CLOCK: variants seen among roughly 807,000 people sequenced by gnomAD.
CLOCK encodes the protein clock circadian regulator.
In CLOCK, 43 loss-of-function variants were observed where a neutral mutation model predicts 118.4. The observed-to-expected ratio is 0.36, with a 90% CI of 0.28 to 0.47. The LOEUF (loss-of-function observed/expected upper bound fraction) is 0.47, where lower values mean the gene tolerates loss of function less well. CLOCK is among the 20% of genes least tolerant of loss of function. CLOCK has a pLI of 1.00. For synonymous variants in CLOCK, 326 were observed against 339.2 expected (o/e 0.96, Z 0.43); for missense variants, 846 against 999.9 (o/e 0.85, Z 2.08).
chr4:55,489,600 A>G (rs370649092), intron 2 of CLOCK, 135 bp from the exon 3 acceptor site: 28 of 152,174 alleles, frequency 1.8e-4, no homozygotes, highest in Admixed American at 8.5e-4. Flanking sequence ...TAAATTCTAT[A>G]AATTGTTTCT....
intron 6 of CLOCK, among the ~76,000 whole-genome samples, chr4:55,477,147 T>C (rs995490612): frequency 1.3e-5 from 2 of 152,106 alleles, no homozygotes; most frequent in East Asian, 1.9e-4. Context: ...TTTAGGATGA[T>C]ACATATATAA....
intron 4 of CLOCK, 28 bp from the exon 5 acceptor site, chr4:55,479,727 G>A (rs1366842175): frequency 1.9e-6 from 3 of 1,578,362 alleles, no homozygotes; most frequent in African/African-American, 1.3e-5. Context: ...GAGAAAGTAA[G>A]AGCAGACTCA....
At position 55,430,879 on chromosome 4, in the gene CLOCK, T is replaced by G. The variant is rs1056390357; in HGVS notation, c.*4536A>C. The G allele has an allele frequency of 6.6e-6, 1 of 152,186 alleles. No individual in the cohort carries two copies. The highest frequency in any genetic ancestry group is 1.5e-5 in the Non-Finnish European group (1 of 68,024). The allele number at this position is 152,186 out of a possible 1,614,324, so 9.4% of individuals were successfully genotyped here. A position where few individuals can be genotyped will look rare whatever the true frequency, so the allele number is the denominator to read the frequency against. ...GTTTACAATAGTGTTTAAATCAAAC[T>G]AGGCATCTACAATCTCTTGACTCCA... On this transcript the variant is annotated 3_prime_UTR_variant, in exon 23 of 23. Transcript: ENST00000513440.
At chr4:55,506,334 C>T (rs1728793670) in intron 2 of CLOCK, among the ~76,000 whole-genome samples, 1 of 151,848 alleles carries the variant, frequency 6.6e-6, no homozygotes, top group Non-Finnish European at 1.5e-5. Context: ...GGGTGCATAC[C>T]AACACACCCG....
At position 55,435,444 on chromosome 4, in the gene CLOCK, G is replaced by A; in HGVS notation, c.2512C>T (p.Pro838Ser). The A allele has an allele frequency of 6.2e-7, 1 of 1,613,998 alleles. No individual in the cohort carries two copies. The part of the protein sequence containing the change: ...QLSRHRTDSL[P>S]DPSKVQPQ ...TGTGGTTGAACCTTGGAAGGGTCGG[G>A]CAAGCTGTCAGTCCTGTGCCGGCTG... Residue 838 changes from proline (P) to serine (S), a missense_variant, in exon 23 of 23, where the codon CCC (proline) becomes TCC (serine). This residue lies in a region of CLOCK where 520 missense variants were observed against 558.0 expected (regional missense o/e 0.93). Coordinates refer to ENST00000513440, the MANE Select transcript of CLOCK (RefSeq NM_004898.4).
chr4:55,544,445 T>C (rs1041913259), intron 1 of CLOCK, among the ~76,000 whole-genome samples: 3 of 152,184 alleles, frequency 2.0e-5, no homozygotes, highest in African/African-American at 7.2e-5. Flanking sequence ...AATCCAGCCA[T>C]AATGCCAAAT....
chr4:55,457,239 C>T (rs545314133), intron 11 of CLOCK, among the ~76,000 whole-genome samples: 132 of 152,296 alleles, frequency 8.7e-4, no homozygotes, highest in African/African-American at 3.1e-3. Flanking sequence ...CCCAATCACA[C>T]AATTTTCCGT....
intron 2 of CLOCK, among the ~76,000 whole-genome samples, chr4:55,502,945 T>C (rs1728533461): frequency 6.6e-6 from 1 of 152,184 alleles, no homozygotes; most frequent in Non-Finnish European, 1.5e-5. Flanking sequence ...AAAACTACAA[T>C]AGACCTTTAC....
At chr4:55,455,776 T>C in intron 13 of CLOCK, 121 bp downstream of exon 13, 1 of 773,604 alleles carries the variant, frequency 1.3e-6, no homozygotes, top group Non-Finnish European at 2.2e-6. Flanking sequence ...AGCAAAATCT[T>C]TTAGCATATT....
chr4:55,475,202 C>CA (rs1264122470), intron 7 of CLOCK, among the ~76,000 whole-genome samples: 1 of 152,114 alleles, frequency 6.6e-6, no homozygotes, highest in Non-Finnish European at 1.5e-5. Context: ...TTCAAGATGT[C>CA]AGTGAAGGAA....
chr4:55,475,012 A>G (rs1726405732), intron 7 of CLOCK, among the ~76,000 whole-genome samples: 2 of 152,212 alleles, frequency 1.3e-5, no homozygotes, highest in Admixed American at 1.3e-4. Context: ...TCATAAGGCT[A>G]CAGTTCCCAT....
At position 55,435,075 on chromosome 4, in the gene CLOCK, A is replaced by G; in HGVS notation, c.*340T>C. On this transcript the variant is annotated 3_prime_UTR_variant, in exon 23 of 23. Transcript: ENST00000513440. Reference sequence around the variant, plus strand: ...AAGAGGCACAGAACCACTAAAAGTTACTAACATCATTAGTGCCTTTCTGAT... The same window carrying G: ...AAGAGGCACAGAACCACTAAAAGTTGCTAACATCATTAGTGCCTTTCTGAT... The G allele has an allele frequency of 2.9e-6, 1 of 345,000 alleles. No homozygotes were observed. Among genetic ancestry groups the G allele is most frequent in the Non-Finnish European group, 5.7e-6 (1 of 176,580 alleles). 21.4% of individuals were successfully genotyped at this position (345,000 alleles called of 1,614,324 possible).
intron 2 of CLOCK, among the ~76,000 whole-genome samples, chr4:55,508,320 C>A (rs908796324): frequency 1.3e-5 from 2 of 152,196 alleles, no homozygotes; most frequent in African/African-American, 2.4e-5. Context: ...CATATTCCCA[C>A]ATATTCATTT....
intron 1 of CLOCK, among the ~76,000 whole-genome samples, chr4:55,512,565 CAG>C (rs1729234262): frequency 6.6e-6 from 1 of 152,112 alleles, no homozygotes; most frequent in African/African-American, 2.4e-5. Context: ...TCTCACAGAG[CAG>C]ACATTTTTAA....
At chr4:55,456,715 G>A (rs145842077) in intron 11 of CLOCK, among the ~76,000 whole-genome samples, 1 of 152,114 alleles carries the variant, frequency 6.6e-6, no homozygotes, top group African/African-American at 2.4e-5. Flanking sequence ...GTCTCACTCT[G>A]TCACTCAGCC....
intron 1 of CLOCK, among the ~76,000 whole-genome samples, chr4:55,514,940 G>A (rs866463138): frequency 3.2e-4 from 49 of 152,284 alleles, no homozygotes; most frequent in African/African-American, 1.2e-3. Flanking sequence ...TTGCAAAAGA[G>A]AATGTTAACA....
At chr4:55,488,218 T>C (rs530116724) in intron 3 of CLOCK, among the ~76,000 whole-genome samples, 1 of 152,352 alleles carries the variant, frequency 6.6e-6, no homozygotes, top group Admixed American at 6.5e-5. Flanking sequence ...ATTCTCCTGC[T>C]TTTGTACTCA....
intron 1 of CLOCK, among the ~76,000 whole-genome samples, chr4:55,517,562 T>C (rs1729595447): frequency 6.6e-6 from 1 of 152,238 alleles, no homozygotes; most frequent in African/African-American, 2.4e-5. Flanking sequence ...GCTAATATTT[T>C]GTTAAGGATT....
intron 21 of CLOCK, 90 bp from the exon 22 acceptor site, chr4:55,438,627 T>C: frequency 6.3e-7 from 1 of 1,585,846 alleles, no homozygotes; most frequent in Non-Finnish European, 8.6e-7. Context: ...CCTAAGATAA[T>C]ACCCAATGAC....
Sources: gnomAD v4.1 joint callset for allele counts (sites outside exome capture counted in the v4.1 genomes callset) on GRCh38, gnomAD v4.1.1 for gene constraint, gnomAD v4.1.1 regional missense constraint, MANE v1.5 for transcripts, NCBI Gene and HGNC (gene_info 2026-07-23, HGNC 2026-07-21) for gene names.